SLC14A1: variants seen among roughly 807,000 people sequenced by gnomAD.
The protein encoded by SLC14A1 is solute carrier family 14 member 1 (Kidd blood group).
Under a neutral mutation model 39.6 loss-of-function variants are expected in SLC14A1, and 36 were observed. The observed-to-expected ratio is 0.91, with a 90% CI of 0.70 to 1.20. SLC14A1 has a LOEUF of 1.20. Ranked by LOEUF, SLC14A1 falls within the 50% of genes most tolerant of loss-of-function variation. The pLI is 0.00. For missense variants in SLC14A1, 469 were observed against 478.7 expected, an observed-to-expected ratio of 0.98 and a Z score of 0.19; for synonymous variants, 164 against 173.6, an observed-to-expected ratio of 0.94 and a Z score of 0.43.
At position 45,751,847 on chromosome 18, in the gene SLC14A1, T is replaced by G. The variant is rs2047719917; in HGVS notation, c.*1896T>G. ...GAAGTCATGTTCATTTACTTTCCAC[T>G]TCAGTGTGTATCGTGTAGTATTTTG... is the stretch of plus-strand genomic sequence containing the variant. On this transcript the variant is annotated 3_prime_UTR_variant, in exon 10 of 10. Transcript: ENST00000321925. 1.0e-6 allele frequency: 1 copy of G among 983,548 alleles called. No individual in the cohort carries two copies. Among genetic ancestry groups the G allele is most frequent in the Non-Finnish European group, 1.2e-6 (1 of 828,426 alleles). The allele number at this position is 983,548 out of a possible 1,614,324, so 60.9% of individuals were successfully genotyped here. A position where few individuals can be genotyped will look rare whatever the true frequency, so the allele number is the denominator to read the frequency against.
chr18:45,731,435 G>A (rs1047710771), intron 4 of SLC14A1: 12 of 574,622 alleles, frequency 2.1e-5, no homozygotes, highest in Admixed American at 8.0e-5. Flanking sequence ...GTGGCATTAC[G>A]TGCTAACCAG....
intron 6 of SLC14A1, among the ~76,000 whole-genome samples, chr18:45,738,253 TA>T (rs2047255260): frequency 6.6e-6 from 1 of 152,220 alleles, no homozygotes; most frequent in Non-Finnish European, 1.5e-5. Context: ...CTTTGGTACA[TA>T]CACGACCTAG....
chr18:45,733,735 C>G (rs566394902), intron 4 of SLC14A1, among the ~76,000 whole-genome samples: 1 of 152,188 alleles, frequency 6.6e-6, no homozygotes, highest in Non-Finnish European at 1.5e-5. Context: ...CAGGGGTCCC[C>G]AACCCCTGCA....
intron 2 of SLC14A1, among the ~76,000 whole-genome samples, chr18:45,725,327 T>C (rs2046835292): frequency 6.6e-6 from 1 of 152,256 alleles, no homozygotes; most frequent in Non-Finnish European, 1.5e-5. Flanking sequence ...AAGTGCTTTT[T>C]GACTTCTGCT....
chr18:45,734,990 G>GCAACCA (rs1443378899), intron 5 of SLC14A1, among the ~76,000 whole-genome samples: 2 of 152,170 alleles, frequency 1.3e-5, no homozygotes, highest in African/African-American at 4.8e-5. Flanking sequence ...CTCTCAACCA[G>GCAACCA]AGGTGGCTGC....
intron 8 of SLC14A1, among the ~76,000 whole-genome samples, chr18:45,744,969 G>A (rs141866860): frequency 2.4e-4 from 37 of 152,246 alleles, no homozygotes; most frequent in African/African-American, 8.7e-4. Flanking sequence ...TACTGGCTGG[G>A]TGCAGTGACT....
In SLC14A1 at chr18:45,751,866, T is replaced by A. The variant is rs2047720120; in HGVS notation, c.*1915T>A. 1.2e-5 allele frequency: 12 copies of A among 985,052 alleles called. No individual in the cohort carries two copies. Among genetic ancestry groups the A allele is most frequent in the Non-Finnish European group, 1.3e-5 (11 of 829,688 alleles). 61.0% of individuals were successfully genotyped at this position (985,052 alleles called of 1,614,324 possible). A position where few individuals can be genotyped will look rare whatever the true frequency, so the allele number is the denominator to read the frequency against. Reference sequence around the variant, plus strand: ...TTCCACTTCAGTGTGTATCGTGTAGTATTTTGGAGGTTGGAAAGTGAAACG... The same window carrying A: ...TTCCACTTCAGTGTGTATCGTGTAGAATTTTGGAGGTTGGAAAGTGAAACG... On this transcript the variant is annotated 3_prime_UTR_variant, in exon 10 of 10. Transcript: ENST00000321925.
rs28898877 is a variant in SLC14A1, at chr18:45,737,920, C to G, written c.664-1243C>G. On this transcript the variant is annotated intron_variant, in intron 6 of 9. Transcript: ENST00000321925. ...CCTTGTCCTTCTCACTCTGAATGAA[C>G]AGCCCATCCTCAGCACCAACCCCAA... Among the ~76,000 whole-genome samples, 572 of 152,322 alleles carry G rather than the reference C, an allele frequency of 3.8e-3. 4 individuals carry two copies. Among genetic ancestry groups the G allele is most frequent in the African/African-American group, 0.013 (555 of 41,566 alleles).
intron 8 of SLC14A1, among the ~76,000 whole-genome samples, chr18:45,746,909 G>A (rs951662561): frequency 6.6e-6 from 1 of 152,226 alleles, no homozygotes; most frequent in African/African-American, 2.4e-5. Context: ...GCAGAGCTGG[G>A]ATTTGAAACC....
chr18:45,736,438 GCT>G lies in SLC14A1; in HGVS notation c.471-15_471-14del, dbSNP rs773875188. On this transcript the variant is annotated splice_polypyrimidine_tract_variant and intron_variant, in intron 5 of 9. Coordinates refer to ENST00000321925, the MANE Select transcript of SLC14A1 (RefSeq NM_015865.7). ...TGCTTTGTCACATGCACATTCTTTT[GCT>G]CTGTTCTTTTTTTAGCCCAATTTTC... is the stretch of plus-strand genomic sequence containing the variant. The G allele has an allele frequency of 3.1e-6, 5 of 1,613,444 alleles. No homozygotes were observed. The highest frequency in any genetic ancestry group is 4.2e-6 in the Non-Finnish European group (5 of 1,179,524).
At chr18:45,735,761 C>T (rs1011675511) in intron 5 of SLC14A1, among the ~76,000 whole-genome samples, 21 of 152,212 alleles carry the variant, frequency 1.4e-4, no homozygotes, top group African/African-American at 4.6e-4. Flanking sequence ...GTGCTCACCA[C>T]GCTCCCTTCC....
chr18:45,732,755 A>G (rs1158911181), intron 4 of SLC14A1, among the ~76,000 whole-genome samples: 1 of 152,190 alleles, frequency 6.6e-6, no homozygotes, highest in African/African-American at 2.4e-5. Context: ...TCCTTGAGTG[A>G]CAGGCCCTTG....
Position 45,751,923 on chromosome 18 carries a change from T to G in SLC14A1, c.*1972T>G. 5 of 985,362 alleles carry G rather than the reference T, an allele frequency of 5.1e-6. No individual in the cohort carries two copies. Among genetic ancestry groups the G allele is most frequent in the Non-Finnish European group, 6.0e-6 (5 of 829,918 alleles). The allele number at this position is 985,362 out of a possible 1,614,324, so 61.0% of individuals were successfully genotyped here. ...TCCTGAAGATTTTTTCCACTTCTAGTTTGCAGTGCTCAGTGCACAATATAC... is the reference window on the plus strand; with the variant it reads ...TCCTGAAGATTTTTTCCACTTCTAGGTTGCAGTGCTCAGTGCACAATATAC... On this transcript the variant is annotated 3_prime_UTR_variant, in exon 10 of 10. Transcript: ENST00000321925.
intron 8 of SLC14A1, among the ~76,000 whole-genome samples, chr18:45,745,137 G>C (rs1361574030): frequency 2.0e-5 from 3 of 152,322 alleles, no homozygotes; most frequent in African/African-American, 2.4e-5. Flanking sequence ...CAGCTACTCA[G>C]GAGGCTGAGG....
Position 45,734,332 on chromosome 18 carries a change from GCTGT to G in SLC14A1, c.403_406del (p.Val135PhefsTer20). Reference sequence around the variant, plus strand: ...TGCCACCCTGGTGGGAGTACTCATGGCTGTCTTTTCGGACAAGGGAGACTATTTC... The same window carrying G: ...TGCCACCCTGGTGGGAGTACTCATGGCTTTTCGGACAAGGGAGACTATTTC... On this transcript the variant is annotated frameshift_variant, in exon 5 of 10. Transcript: ENST00000321925. LOFTEE classifies it high-confidence loss of function. 6.2e-7 allele frequency: 1 copy of G among 1,614,022 alleles called. No homozygotes were observed. The highest frequency in any genetic ancestry group is 8.5e-7 in the Non-Finnish European group (1 of 1,179,968).
chr18:45,727,227 A>T, intron 2 of SLC14A1: 1 of 1,546,704 alleles, frequency 6.5e-7, no homozygotes, highest in Non-Finnish European at 8.7e-7. Flanking sequence ...CGTCATGCTG[A>T]TTCACATATT....
intron 4 of SLC14A1, among the ~76,000 whole-genome samples, chr18:45,733,230 G>A (rs1201270685): frequency 6.6e-6 from 1 of 152,130 alleles, no homozygotes; most frequent in East Asian, 1.9e-4. Context: ...ACCTGCACAT[G>A]TACCCCCTCA....
At chr18:45,728,037 C>T (rs1246653588) in intron 2 of SLC14A1, among the ~76,000 whole-genome samples, 2 of 152,170 alleles carry the variant, frequency 1.3e-5, no homozygotes, top group East Asian at 3.8e-4. Flanking sequence ...GAGAAGACCC[C>T]TCTCTGCAGG....
chr18:45,740,903 A>C (rs1221589347), intron 8 of SLC14A1, among the ~76,000 whole-genome samples: 4 of 152,120 alleles, frequency 2.6e-5, no homozygotes, highest in African/African-American at 9.7e-5. Flanking sequence ...ACATTTCAAG[A>C]ACTGCTGTAT....
Sources: allele counts gnomAD v4.1 joint callset (sites outside exome capture counted in the v4.1 genomes callset), GRCh38; gene constraint gnomAD v4.1.1; transcripts MANE v1.5; gene names NCBI Gene and HGNC (gene_info 2026-07-23, HGNC 2026-07-21).